Variants in AVEN observed in about 807,000 individuals in gnomAD.
AVEN encodes the protein apoptosis and caspase activation inhibitor.
Under a neutral mutation model 38.1 loss-of-function variants are expected in AVEN, and 41 were observed. That is an observed-to-expected ratio of 1.08 (90% confidence interval 0.84 to 1.40). The LOEUF (loss-of-function observed/expected upper bound fraction) is 1.40, where lower values mean the gene tolerates loss of function less well. Ranked by LOEUF, AVEN falls within the 40% of genes most tolerant of loss-of-function variation. The probability of loss-of-function intolerance (pLI) is 0.00; values close to 1 mark genes in which losing one functional copy is unlikely to be tolerated. For missense variants in AVEN, 605 were observed against 438.8 expected (o/e 1.38, Z -3.38); for synonymous variants, 206 against 171.8 (o/e 1.20, Z -1.56).
intron 4 of AVEN, chr15:34,065,414 C>T (rs1050971859): frequency 1.3e-5 from 2 of 152,164 alleles, no homozygotes; most frequent in South Asian, 2.1e-4. Context: ...CACACCAAGA[C>T]GCAAGCAGGT....
chr15:34,019,600 T>C (rs1488176226), intron 1 of AVEN, among the ~76,000 whole-genome samples: 1 of 152,216 alleles, frequency 6.6e-6, no homozygotes, highest in Non-Finnish European at 1.5e-5. Flanking sequence ...AAGCACCCCA[T>C]ACAGGTTTAC....
At chr15:33,863,150 A>T (rs564705926), downstream of AVEN, among the ~76,000 whole-genome samples, 4 of 152,186 alleles carry the variant, frequency 2.6e-5, no homozygotes, top group Non-Finnish European at 4.4e-5. Flanking sequence ...TATCCCCTCT[A>T]GGAGCAAGCT....
chr15:34,060,276 C>T (rs904649338), intron 5 of AVEN, among the ~76,000 whole-genome samples: 3 of 152,052 alleles, frequency 2.0e-5, no homozygotes, highest in Admixed American at 1.3e-4. Flanking sequence ...GAGGAGTCTT[C>T]GTGGGTCAGT....
rs200634273 is a variant in AVEN at position 34,063,141 on chromosome 15, C to T, written n.1418G>A. 2.8e-5 allele frequency: 45 copies of T among 1,614,166 alleles called. No homozygotes were observed. The highest frequency in any genetic ancestry group is 1.4e-4 in the South Asian group (13 of 91,078). ...AAGACCCTTGACATATCGGGCCAAG[C>T]GTACTCCGAAAAGGGCTGGCATCAT... On this transcript the variant is annotated non_coding_transcript_exon_variant, in exon 5 of 12. Transcript: ENST00000675287. This position sits in a 1 kb window ranked among gnomAD's most constrained non-coding sequence, Gnocchi z 4.1.
intron 1 of AVEN, among the ~76,000 whole-genome samples, chr15:34,004,610 G>A (rs1368237878): frequency 6.6e-6 from 1 of 151,806 alleles, no homozygotes. Flanking sequence ...TTAAAGTGTT[G>A]TTAACTTTTA....
chr15:33,993,480 A>C (rs1896810154), intron 2 of AVEN, among the ~76,000 whole-genome samples: 1 of 152,194 alleles, frequency 6.6e-6, no homozygotes, highest in Admixed American at 6.5e-5. Context: ...GTGTGGCACA[A>C]GTGGAAGGAG....
At chr15:33,856,712 G>T, downstream of AVEN, 1 of 153,992 alleles carries the variant, frequency 6.5e-6, no homozygotes, top group Non-Finnish European at 1.4e-5. Context: ...AGGCTGAAGT[G>T]CAGTGGCGCG....
At chr15:33,900,834 G>GT (rs1339470143) in intron 2 of AVEN, among the ~76,000 whole-genome samples, 1 of 151,980 alleles carries the variant, frequency 6.6e-6, no homozygotes, top group Admixed American at 6.6e-5. Flanking sequence ...CCAACGAACA[G>GT]TTTTTTGTGT....
In AVEN at chr15:33,866,562, C is replaced by CTGCCGTTAGAAGGCAA. The variant is rs1171020094; in HGVS notation, c.*35_*50dup. The CTGCCGTTAGAAGGCAA allele has an allele frequency of 1.4e-6, 2 of 1,410,840 alleles. No individual in the cohort carries two copies. The highest frequency in any genetic ancestry group is 4.6e-5 in the East Asian group (2 of 43,908). The allele number at this position is 1,410,840 out of a possible 1,614,324, so 87.4% of individuals were successfully genotyped here. A position where few individuals can be genotyped will look rare whatever the true frequency, so the allele number is the denominator to read the frequency against. ...TCCTGAAGGACAGCCTTATGCCCAC[C>CTGCCGTTAGAAGGCAA]TGCCGTTAGAAGGCAACCAAGATTT... is the stretch of plus-strand genomic sequence containing the variant. On this transcript the variant is annotated 3_prime_UTR_variant, in exon 6 of 6. Coordinates refer to ENST00000306730, the MANE Select transcript of AVEN (RefSeq NM_020371.3).
At chr15:33,991,090 T>C (rs1896701452) in intron 2 of AVEN, 1 of 151,476 alleles carries the variant, frequency 6.6e-6, no homozygotes, top group Non-Finnish European at 1.5e-5. Flanking sequence ...CATAATTATT[T>C]TATGTCTAAT....
intron 1 of AVEN, 56 bp downstream of exon 1, chr15:34,038,724 G>A: frequency 1.8e-6 from 2 of 1,127,712 alleles, no homozygotes; most frequent in Middle Eastern, 7.5e-4. Flanking sequence ...TGGCGGCCTC[G>A]GCCCCACTTG....
intron 5 of AVEN, among the ~76,000 whole-genome samples, chr15:34,046,282 G>A (rs1444083207): frequency 6.7e-6 from 1 of 149,894 alleles, no homozygotes; most frequent in Non-Finnish European, 1.5e-5. Context: ...ATCTTTTTGT[G>A]GAAAGATCTG....
intron 3 of AVEN, among the ~76,000 whole-genome samples, chr15:33,875,101 A>C (rs1891164214): frequency 6.6e-6 from 1 of 152,218 alleles, no homozygotes; most frequent in Non-Finnish European, 1.5e-5. Context: ...AATTGAGCCT[A>C]AAACCAGCCC....
At chr15:33,857,870 G>C (rs201221837), downstream of AVEN, 2 of 1,614,202 alleles carry the variant, frequency 1.2e-6, no homozygotes, top group Non-Finnish European at 1.7e-6. Flanking sequence ...CAACAAAAGC[G>C]AAGACGATGA....
At chr15:33,854,162 C>G (rs1007847653), downstream of AVEN, among the ~76,000 whole-genome samples, 1 of 148,834 alleles carries the variant, frequency 6.7e-6, no homozygotes, top group African/African-American at 2.5e-5. Flanking sequence ...CGCCACTACA[C>G]TCCAGCCTGG....
At chr15:33,969,139 A>C (rs1895519721) in intron 2 of AVEN, 1 of 152,138 alleles carries the variant, frequency 6.6e-6, no homozygotes. Context: ...GCTTCAAACA[A>C]ACCACTGCCA....
chr15:34,056,324 A>T (rs1245638733), intron 5 of AVEN, among the ~76,000 whole-genome samples: 2 of 152,232 alleles, frequency 1.3e-5, no homozygotes, highest in South Asian at 4.1e-4. Context: ...TTTAGCCGAA[A>T]TTAGAACTCC....
chr15:33,895,645 C>T (rs1191077759), intron 2 of AVEN, among the ~76,000 whole-genome samples: 1 of 152,136 alleles, frequency 6.6e-6, no homozygotes, highest in African/African-American at 2.4e-5. Context: ...TACTTCTTAA[C>T]TGAATCGCTG....
downstream of AVEN, chr15:33,864,119 T>C: frequency 6.3e-7 from 1 of 1,598,718 alleles, no homozygotes. Flanking sequence ...TATCTAATAC[T>C]ATCTTTTCCT....
Sources: allele counts gnomAD v4.1 joint callset (sites outside exome capture counted in the v4.1 genomes callset), GRCh38; gene constraint gnomAD v4.1.1; non-coding constraint Gnocchi (gnomAD v3.1); transcripts MANE v1.5; gene names NCBI Gene and HGNC (gene_info 2026-07-23, HGNC 2026-07-21).